RBBP6: variants seen among roughly 807,000 people sequenced by gnomAD.
RBBP6 encodes E3 ubiquitin-protein ligase RBBP6.
RBBP6 carries 25 observed loss-of-function variants against 167.7 expected under a neutral mutation model. That is an observed-to-expected ratio of 0.15 (90% CI 0.11 to 0.21). The LOEUF is 0.21. Ranked by LOEUF, RBBP6 falls within the 10% of genes least tolerant of loss-of-function variation. RBBP6 has a pLI of 1.00. For synonymous variants in RBBP6, 789 were observed against 735.8 expected, an observed-to-expected ratio of 1.07 and a Z score of -1.17; for missense variants, 1,868 against 2,134.2, an observed-to-expected ratio of 0.88 and a Z score of 2.46.
chr16:24,562,504 T>C (rs934145102), intron 10 of RBBP6, among the ~76,000 whole-genome samples: 1 of 152,024 alleles, frequency 6.6e-6, no homozygotes, highest in Non-Finnish European at 1.5e-5. Context: ...TAGTTTTGAG[T>C]AGAACTAAGA....
Position 24,571,511 on chromosome 16 carries a change from A to AAT in RBBP6, c.4445_4446insAT (p.Tyr1482Ter), listed in dbSNP as rs1899334722. 1 of 1,613,440 alleles carries AAT rather than the reference A, an allele frequency of 6.2e-7. No homozygotes were observed. The highest frequency in any genetic ancestry group is 1.7e-5 in the Admixed American group (1 of 59,904). ...DKKTDYDTRE[Y>*]SSSKRRDEKN... is the part of the protein sequence containing the mutation. ...AAAACTGACTATGACACCAGAGAGT[A>AAT]TTCAAGTTCCAAACGTAGAGATGAA... The change falls in exon 18 of 18, where the codon TAT (tyrosine) becomes TAATT (stop). Residue 1482 changes from tyrosine to a stop codon, truncating the protein, a stop_gained and frameshift_variant. Coordinates refer to ENST00000319715, the MANE Select transcript of RBBP6 (RefSeq NM_006910.5). LOFTEE classifies it high-confidence loss of function.
Position 24,568,940 on chromosome 16 carries a change from T to C in RBBP6, c.2250T>C (p.Ser750=). The C allele has an allele frequency of 6.2e-7, 1 of 1,614,166 alleles. No individual in the cohort carries two copies. Among genetic ancestry groups the C allele is most frequent in the Non-Finnish European group, 8.5e-7 (1 of 1,179,982 alleles). The part of the protein sequence containing the change: ...KSRNYRSRSR[S]HGYHRSRSRS... ...GCAATTACCGTTCACGGTCTAGATC[T>C]CATGGATATCATCGATCTAGGTCAA... is the stretch of plus-strand genomic sequence containing the variant. The change falls in exon 17 of 18, where the codon TCT becomes TCC. Residue 750 remains serine (S), a synonymous_variant. Transcript: ENST00000319715.
chr16:24,567,271 C>G lies in RBBP6; in HGVS notation c.1718C>G (p.Pro573Arg), dbSNP rs1899217537. The change falls in exon 15 of 18, where the codon CCT (proline) becomes CGT (arginine). Residue 573 changes from proline to arginine, a missense_variant. Transcript: ENST00000319715. Reference sequence around the variant, plus strand: ...TATCCGCCTCCTCCCCATACACTTCCTCTCCCTCCGGGTGTTCCTCCTCCA... The same window carrying G: ...TATCCGCCTCCTCCCCATACACTTCGTCTCCCTCCGGGTGTTCCTCCTCCA... ...PLYPPPPHTL[P>R]LPPGVPPPQF... 1 of 1,614,062 alleles carries G rather than the reference C, an allele frequency of 6.2e-7. No individual in the cohort carries two copies.
chr16:24,543,572 G>A (rs556266478), intron 1 of RBBP6, among the ~76,000 whole-genome samples: 11 of 152,172 alleles, frequency 7.2e-5, no homozygotes, highest in Admixed American at 3.9e-4. Context: ...CCAAAGTGCT[G>A]GGATTATAGG....
chr16:24,570,463 C>T lies in RBBP6; in HGVS notation c.3773C>T (p.Thr1258Ile), dbSNP rs771579623. The T allele has an allele frequency of 6.3e-7, 1 of 1,598,060 alleles. No individual in the cohort carries two copies. Among genetic ancestry groups the T allele is most frequent in the Non-Finnish European group, 8.5e-7 (1 of 1,176,246 alleles). ...KGKVRRKVTG[T>I]EGSSSTLVDY... ...AAGGTCAGACGAAAAGTGACTGGAA[C>T]TGAAGGATCCAGCTCAACTCTGGTG... is the stretch of plus-strand genomic sequence containing the variant. Residue 1258 changes from threonine (T) to isoleucine (I), a missense_variant, in exon 17 of 18, where the codon ACT (threonine) becomes ATT (isoleucine). Around this residue, in one of 7 missense-constraint regions of RBBP6, gnomAD observed 673 missense variants for 691.5 expected, o/e 0.97. Coordinates refer to ENST00000319715, the MANE Select transcript of RBBP6 (RefSeq NM_006910.5).
chr16:24,568,076 T>C (rs7201851), intron 16 of RBBP6, among the ~76,000 whole-genome samples, 183 bp downstream of exon 16: 55,306 of 152,102 alleles, frequency 0.36, 10,343 homozygotes, highest in Middle Eastern at 0.43. Flanking sequence ...AGTGTAAATT[T>C]TATTGTGTAG....
rs1165949334 is a variant in RBBP6, at chr16:24,563,598, T to G, written c.1466-12T>G. ...TTTGTATTTACCTACTGCTTTTATT[T>G]TTTGTTTCTAGGTCCAGTAAGAATA... On this transcript the variant is annotated splice_polypyrimidine_tract_variant and intron_variant, in intron 12 of 17. Coordinates refer to ENST00000319715, the MANE Select transcript of RBBP6 (RefSeq NM_006910.5). 6.2e-7 allele frequency: 1 copy of G among 1,612,872 alleles called. No individual in the cohort carries two copies. Among genetic ancestry groups the G allele is most frequent in the African/African-American group, 1.3e-5 (1 of 74,498 alleles).
chr16:24,542,685 A>G (rs1898534501), intron 1 of RBBP6, among the ~76,000 whole-genome samples: 1 of 151,994 alleles, frequency 6.6e-6, no homozygotes, highest in African/African-American at 2.4e-5. Context: ...CTGGTCTCGA[A>G]CTCTTGGCCT....
chr16:24,567,527 T>A, intron 15 of RBBP6, 22 bp downstream of exon 15: 1 of 1,564,700 alleles, frequency 6.4e-7, no homozygotes, highest in Non-Finnish European at 8.6e-7. Flanking sequence ...AATTTGAAAT[T>A]ATTATACACT....
intron 3 of RBBP6, 130 bp from the exon 4 acceptor site, chr16:24,553,383 G>C: frequency 7.4e-6 from 5 of 675,264 alleles, no homozygotes; most frequent in Non-Finnish European, 1.3e-5. Context: ...ACATTTTCAA[G>C]CTTAACATTC....
At chr16:24,563,392 T>G in intron 11 of RBBP6, 31 bp from the exon 12 acceptor site, 1 of 1,486,314 alleles carries the variant, frequency 6.7e-7, no homozygotes, top group Non-Finnish European at 9.1e-7. Flanking sequence ...TTTTTTTAAC[T>G]ATTTCTGTTT....
intron 17 of RBBP6, 117 bp downstream of exon 17, chr16:24,570,616 GT>G: frequency 1.0e-6 from 1 of 977,328 alleles, no homozygotes; most frequent in Non-Finnish European, 1.4e-6. Context: ...AAGTAGGCTG[GT>G]TTTATGTAGT....
intron 14 of RBBP6, among the ~76,000 whole-genome samples, chr16:24,565,171 G>A (rs1899163292): frequency 6.6e-6 from 1 of 152,156 alleles, no homozygotes; most frequent in South Asian, 2.1e-4. Flanking sequence ...AAAGTCAGGG[G>A]TCAGACAATA....
At chr16:24,555,078 A>G (rs1250966662) in intron 4 of RBBP6, 2 of 152,492 alleles carry the variant, frequency 1.3e-5, no homozygotes, top group Non-Finnish European at 2.9e-5. Flanking sequence ...TCATACCTCA[A>G]AGATGAAATT....
At chr16:24,560,666 G>A (rs1278307815) in intron 8 of RBBP6, among the ~76,000 whole-genome samples, 1 of 152,118 alleles carries the variant, frequency 6.6e-6, no homozygotes, top group Non-Finnish European at 1.5e-5. Flanking sequence ...TTGGGGGCAA[G>A]AAAACAGTAA....
Position 24,571,794 on chromosome 16 carries a change from A to G in RBBP6, c.4728A>G (p.Ala1576=). 1.2e-6 allele frequency: 2 copies of G among 1,614,060 alleles called. No homozygotes were observed. The highest frequency in any genetic ancestry group is 2.2e-5 in the South Asian group (2 of 91,066). The change falls in exon 18 of 18, where the codon GCA becomes GCG. Residue 1576 remains alanine, a synonymous_variant. Transcript: ENST00000319715. ...ATCGTGAGAAGCATGTATTAGAAGC[A>G]AGGAACAATAAAGAGTCAAGTGGCA... is the stretch of plus-strand genomic sequence containing the variant. The part of the protein sequence containing the change: ...CKDREKHVLE[A]RNNKESSGNK...
intron 2 of RBBP6, among the ~76,000 whole-genome samples, chr16:24,546,879 A>T (rs886387208): frequency 6.6e-6 from 1 of 152,226 alleles, no homozygotes; most frequent in Non-Finnish European, 1.5e-5. Context: ...GTAAGAATTA[A>T]ATAGTGTCTG....
At chr16:24,558,430 CCT>C in intron 7 of RBBP6, 1 of 967,750 alleles carries the variant, frequency 1.0e-6, no homozygotes, top group Non-Finnish European at 1.2e-6. Context: ...GTGGGAGACT[CCT>C]CTTTCACAAA....
chr16:24,565,040 A>G (rs951285467), intron 14 of RBBP6, among the ~76,000 whole-genome samples, 175 bp downstream of exon 14: 22 of 152,170 alleles, frequency 1.4e-4, no homozygotes, highest in African/African-American at 5.3e-4. Context: ...AGAATAAATT[A>G]TATATAGTAT....
Sources: allele counts gnomAD v4.1 joint callset (sites outside exome capture counted in the v4.1 genomes callset), GRCh38; gene constraint gnomAD v4.1.1; regional missense constraint gnomAD v4.1.1; transcripts MANE v1.5; gene names NCBI Gene and HGNC (gene_info 2026-07-23, HGNC 2026-07-21).